Variants in AUTS2 observed in about 807,000 individuals in gnomAD.
AUTS2 encodes activator of transcription and developmental regulator AUTS2, also known as autism susceptibility gene 2 protein.
Under a neutral mutation model 112.4 loss-of-function variants are expected in AUTS2, and 17 were observed. That is an observed-to-expected ratio of 0.15 (90% confidence interval 0.10 to 0.23). The LOEUF is 0.23. Ranked by LOEUF, AUTS2 falls within the 10% of genes least tolerant of loss-of-function variation. The probability of loss-of-function intolerance (pLI) is 1.00; values close to 1 mark genes in which losing one functional copy is unlikely to be tolerated. For missense variants in AUTS2, 1,510 were observed against 1,701.6 expected (o/e 0.89, Z 1.98); for synonymous variants, 751 against 702.7 (o/e 1.07, Z -1.09).
intron 2 of AUTS2, among the ~76,000 whole-genome samples, chr7:70,029,602 G>T (rs1421759538): frequency 6.6e-6 from 1 of 152,000 alleles, no homozygotes; most frequent in Non-Finnish European, 1.5e-5. Context: ...TTAAAACTAG[G>T]TTTTAAACCT....
chr7:70,615,744 C>T (rs1464420427), intron 5 of AUTS2, among the ~76,000 whole-genome samples: 1 of 152,016 alleles, frequency 6.6e-6, no homozygotes, highest in East Asian at 1.9e-4. Context: ...TGCAAAACGG[C>T]AGTGTGTTCT....
In AUTS2 at chr7:70,155,551, G is replaced by C. The variant is rs138820673; in HGVS notation, c.660+20980G>C. 9.9e-5 allele frequency among the ~76,000 whole-genome samples: 15 copies of C among 151,594 alleles called. No homozygotes were observed. The East Asian group carries it at 2.5e-3, about 25-fold the overall frequency. On this transcript the variant is annotated intron_variant, in intron 4 of 18. Transcript: ENST00000342771. ...GCCAGTAAAGCCTCTGCTGATAGCT[G>C]TGTGCCGTTTGTTTTTAATCCTTTC...
chr7:70,466,691 T>G (rs900066066), intron 5 of AUTS2, among the ~76,000 whole-genome samples: 3 of 152,202 alleles, frequency 2.0e-5, no homozygotes, highest in Admixed American at 6.5e-5. Flanking sequence ...TTAAATAAAA[T>G]GTATCAATTT....
At chr7:70,491,591 G>T (rs1283586216) in intron 5 of AUTS2, among the ~76,000 whole-genome samples, 34 of 63,338 alleles carry the variant, frequency 5.4e-4, no homozygotes, top group South Asian at 2.9e-3. Context: ...TATATATATT[G>T]TGTGTGTGTG....
chr7:70,016,518 A>G (rs1800036155), intron 2 of AUTS2, among the ~76,000 whole-genome samples: 1 of 152,120 alleles, frequency 6.6e-6, no homozygotes, highest in Non-Finnish European at 1.5e-5. Context: ...CTACAGAAAC[A>G]GGGAATTCAC....
chr7:70,665,443 C>CTACTTATCTATTTATT (rs1554454989), intron 5 of AUTS2, among the ~76,000 whole-genome samples: 29 of 104,628 alleles, frequency 2.8e-4, no homozygotes, highest in African/African-American at 1.2e-3. Flanking sequence ...ATTTATTTAT[C>CTACTTATCTATTTATT]TATTTATCTA....
intron 5 of AUTS2, among the ~76,000 whole-genome samples, chr7:70,678,967 C>T (rs368512990): frequency 3.9e-5 from 6 of 152,128 alleles, no homozygotes; most frequent in African/African-American, 1.2e-4. Context: ...TGCTAATACT[C>T]GGATTGGCAA....
chr7:69,827,791 T>G (rs1791318407), intron 1 of AUTS2, among the ~76,000 whole-genome samples: 1 of 152,194 alleles, frequency 6.6e-6, no homozygotes, highest in South Asian at 2.1e-4. Context: ...CTGAAAACCT[T>G]GATGGGATGT....
chr7:69,936,135 C>T (rs1326040404), intron 2 of AUTS2, among the ~76,000 whole-genome samples: 1 of 152,034 alleles, frequency 6.6e-6, no homozygotes, highest in Non-Finnish European at 1.5e-5. Flanking sequence ...CCTGTATTTT[C>T]CTCATCTCAG....
At chr7:70,709,213 G>A (rs1375611284) in intron 6 of AUTS2, among the ~76,000 whole-genome samples, 1 of 151,822 alleles carries the variant, frequency 6.6e-6, no homozygotes, top group South Asian at 2.1e-4. Context: ...CACCGTACCC[G>A]GCCTTGTTGT....
intron 4 of AUTS2, among the ~76,000 whole-genome samples, chr7:70,329,476 G>A: frequency 6.6e-6 from 1 of 151,762 alleles, no homozygotes; most frequent in South Asian, 2.1e-4. Context: ...CACTCTTATG[G>A]GTATGAAGTG....
intron 4 of AUTS2, among the ~76,000 whole-genome samples, chr7:70,175,705 A>T (rs573862838): frequency 6.6e-6 from 1 of 152,334 alleles, no homozygotes; most frequent in East Asian, 1.9e-4. Context: ...ACCTGCAAAA[A>T]TCCATCCACC....
intron 2 of AUTS2, among the ~76,000 whole-genome samples, chr7:69,909,564 G>T (rs1795274082): frequency 6.6e-6 from 1 of 152,066 alleles, no homozygotes; most frequent in South Asian, 2.1e-4. Context: ...TGAAAATATT[G>T]CCCATATCAG....
chr7:70,137,147 C>T (rs887874097), intron 4 of AUTS2, among the ~76,000 whole-genome samples: 4 of 152,094 alleles, frequency 2.6e-5, no homozygotes, highest in Non-Finnish European at 4.4e-5. Context: ...GTCACTTTTC[C>T]AATCCGTTTA....
At chr7:70,492,689 G>C (rs1308998498) in intron 5 of AUTS2, among the ~76,000 whole-genome samples, 4 of 152,132 alleles carry the variant, frequency 2.6e-5, no homozygotes, top group Non-Finnish European at 5.9e-5. Flanking sequence ...TCCCTGCAGG[G>C]GATCATGTAT....
chr7:70,681,857 T>C (rs1281012792), intron 5 of AUTS2, among the ~76,000 whole-genome samples: 1 of 152,216 alleles, frequency 6.6e-6, no homozygotes, highest in Non-Finnish European at 1.5e-5. Flanking sequence ...TCCCAGCATA[T>C]TCGACCCCAT....
At chr7:69,613,336 A>G (rs1583940085) in intron 1 of AUTS2, among the ~76,000 whole-genome samples, 1 of 152,166 alleles carries the variant, frequency 6.6e-6, no homozygotes, top group Non-Finnish European at 1.5e-5. Flanking sequence ...CCAGGTCTTT[A>G]TTTCCTTTGA....
chr7:70,447,231 A>G (rs1244629715), intron 5 of AUTS2, among the ~76,000 whole-genome samples: 2 of 152,188 alleles, frequency 1.3e-5, no homozygotes, highest in Non-Finnish European at 2.9e-5. Context: ...GGTGTTTTAC[A>G]CATTATCTTA....
At chr7:70,390,633 G>T (rs1268528491) in intron 4 of AUTS2, among the ~76,000 whole-genome samples, 1 of 151,948 alleles carries the variant, frequency 6.6e-6, no homozygotes, top group Non-Finnish European at 1.5e-5. Context: ...ACAAATGGAA[G>T]AAGTTTTAAG....
Sources: gnomAD v4.1 joint callset for allele counts (sites outside exome capture counted in the v4.1 genomes callset) on GRCh38, gnomAD v4.1.1 for gene constraint, MANE v1.5 for transcripts, NCBI Gene and HGNC (gene_info 2026-07-23, HGNC 2026-07-21) for gene names.